TTC7A: variants seen among roughly 807,000 people sequenced by gnomAD.
TTC7A encodes tetratricopeptide repeat protein 7A.
Under a neutral mutation model 103.7 loss-of-function variants are expected in TTC7A, and 110 were observed. The ratio of observed to expected loss-of-function variants is 1.06; its 90% CI spans 0.91 to 1.24. TTC7A has a LOEUF of 1.24. Among genes scored for constraint, TTC7A ranks in the 50% most tolerant of loss-of-function variants. TTC7A has a pLI of 0.00. For synonymous variants in TTC7A, 521 were observed against 467.9 expected (o/e 1.11, Z -1.47); for missense variants, 1,340 against 1,116.3 (o/e 1.20, Z -2.86).
intron 8 of TTC7A, among the ~76,000 whole-genome samples, chr2:46,998,176 T>TG (rs1452928976): frequency 6.6e-6 from 1 of 152,094 alleles, no homozygotes; most frequent in East Asian, 1.9e-4. Context: ...GCACCTCTTG[T>TG]GGGGTTGGCT....
At chr2:47,038,953 T>A (rs1339063602) in intron 15 of TTC7A, among the ~76,000 whole-genome samples, 1 of 151,986 alleles carries the variant, frequency 6.6e-6, no homozygotes, top group Admixed American at 6.6e-5. Flanking sequence ...CTCCCCCAGA[T>A]GAAGGAAGGA....
chr2:46,954,733 G>A (rs1014090291), intron 2 of TTC7A, among the ~76,000 whole-genome samples: 2 of 151,818 alleles, frequency 1.3e-5, no homozygotes, highest in Non-Finnish European at 1.5e-5. Context: ...CACCACGCCC[G>A]GATAATTTTT....
intron 11 of TTC7A, among the ~76,000 whole-genome samples, chr2:47,015,181 C>G (rs1169030714): frequency 1.3e-5 from 2 of 152,260 alleles, no homozygotes; most frequent in Non-Finnish European, 2.9e-5. Flanking sequence ...AGCCTTCTGC[C>G]TTGGCATGCC....
intron 11 of TTC7A, among the ~76,000 whole-genome samples, chr2:47,020,324 T>C (rs1679147033): frequency 6.6e-6 from 1 of 152,184 alleles, no homozygotes; most frequent in African/African-American, 2.4e-5. Context: ...CCAGCAGCCC[T>C]CCTGAGTCCT....
Position 47,074,084 on chromosome 2 carries a change from A to T in TTC7A, c.*161A>T, listed in dbSNP as rs1309528015. The T allele has an allele frequency of 4.9e-6, 3 of 616,894 alleles. No individual in the cohort carries two copies. Among genetic ancestry groups the T allele is most frequent in the Non-Finnish European group, 8.5e-6 (3 of 352,400 alleles). 38.2% of individuals were successfully genotyped at this position (616,894 alleles called of 1,614,324 possible). A position where few individuals can be genotyped will look rare whatever the true frequency, so the allele number is the denominator to read the frequency against. On this transcript the variant is annotated 3_prime_UTR_variant, in exon 20 of 20. Coordinates refer to ENST00000319190, the MANE Select transcript of TTC7A (RefSeq NM_020458.4). ...CAGCCCTCGTTCTCTTGGCTGGGCC[A>T]AGAGGGCCTTCCTGGATTTCTTTGT...
Position 47,049,923 on chromosome 2 carries a change from G to A in TTC7A, c.1920-26G>A, listed in dbSNP as rs891361064. 2.5e-6 allele frequency: 4 copies of A among 1,594,114 alleles called. No individual in the cohort carries two copies. The African/African-American group carries it at 5.4e-5, about 21-fold the overall frequency. ...GTGATGCTAGCCCTCTACCTTACCG[G>A]ACCCTGGCCCTCTTTTGCCTTCCAG... is the stretch of plus-strand genomic sequence containing the variant. On this transcript the variant is annotated intron_variant, in intron 16 of 19. Coordinates refer to ENST00000319190, the MANE Select transcript of TTC7A (RefSeq NM_020458.4).
chr2:46,930,435 G>GGA (rs1669630701), intron 2 of TTC7A, among the ~76,000 whole-genome samples: 1 of 120,344 alleles, frequency 8.3e-6, no homozygotes, highest in African/African-American at 3.0e-5. Flanking sequence ...GTATTCCTAG[G>GGA]AAAAAAAAAA....
At chr2:47,018,721 A>G (rs1399620085) in intron 11 of TTC7A, among the ~76,000 whole-genome samples, 3 of 152,108 alleles carry the variant, frequency 2.0e-5, no homozygotes, top group Non-Finnish European at 4.4e-5. Flanking sequence ...TATTAATAAT[A>G]GTTATTTTTT....
chr2:47,024,268 A>T lies in TTC7A; in HGVS notation c.1569-19A>T. ...CTCAACCCCTGGTGCCTGACTTGTC[A>T]CTCCCTCTCCCCACACAGGGCTCAG... On this transcript the variant is annotated intron_variant, in intron 13 of 19. Transcript: ENST00000319190. 6.3e-7 allele frequency: 1 copy of T among 1,576,352 alleles called. No individual in the cohort carries two copies. Among genetic ancestry groups the T allele is most frequent in the South Asian group, 1.1e-5 (1 of 86,962 alleles).
At chr2:46,916,122 G>A (rs370060328), upstream of TTC7A, 115 of 985,428 alleles carry the variant, frequency 1.2e-4, 1 homozygote, top group African/African-American at 1.8e-3. Flanking sequence ...CGGATGGGGC[G>A]GACCCCAAAG....
At chr2:47,034,873 G>A (rs1317270506) in intron 15 of TTC7A, among the ~76,000 whole-genome samples, 3 of 152,184 alleles carry the variant, frequency 2.0e-5, no homozygotes, top group Non-Finnish European at 4.4e-5. Context: ...CCCCAGTACA[G>A]GAATAATATG....
At chr2:47,048,180 A>G (rs1682519269) in intron 16 of TTC7A, among the ~76,000 whole-genome samples, 1 of 152,166 alleles carries the variant, frequency 6.6e-6, no homozygotes, top group African/African-American at 2.4e-5. Context: ...CCCAGCCTCT[A>G]AAATGCTTCA....
intron 19 of TTC7A, among the ~76,000 whole-genome samples, chr2:47,061,286 A>G (rs1683761480): frequency 1.3e-5 from 2 of 152,104 alleles, no homozygotes; most frequent in Admixed American, 6.5e-5. Flanking sequence ...TCTAGCCCCA[A>G]AAGGCTCTCA....
At chr2:47,001,939 G>T (rs574884900) in intron 8 of TTC7A, among the ~76,000 whole-genome samples, 2 of 152,162 alleles carry the variant, frequency 1.3e-5, no homozygotes, top group South Asian at 4.2e-4. Flanking sequence ...CCCTGCCTTG[G>T]GTTTCTCATG....
At chr2:46,995,841 A>G (rs1034588511) in intron 8 of TTC7A, among the ~76,000 whole-genome samples, 6 of 152,244 alleles carry the variant, frequency 3.9e-5, no homozygotes, top group Non-Finnish European at 5.9e-5. Context: ...CGTGGAGCTT[A>G]CATTCTAGTA....
At chr2:46,923,002 A>C (rs979127970) in intron 2 of TTC7A, among the ~76,000 whole-genome samples, 2 of 152,216 alleles carry the variant, frequency 1.3e-5, no homozygotes, top group African/African-American at 2.4e-5. Flanking sequence ...GGCTATTTTA[A>C]AGTATACGAA....
chr2:46,968,633 A>G (rs977440852), intron 3 of TTC7A, among the ~76,000 whole-genome samples: 6 of 152,202 alleles, frequency 3.9e-5, no homozygotes, highest in African/African-American at 1.4e-4. Flanking sequence ...GGCCCTGTGT[A>G]TATTGGAAAT....
In TTC7A at chr2:47,021,845, G is replaced by A; in HGVS notation, c.1393-17G>A. On this transcript the variant is annotated splice_polypyrimidine_tract_variant and intron_variant, in intron 11 of 19. Transcript: ENST00000319190. The stretch of plus-strand genomic sequence containing the variant: ...CTCCAACCCCACCTCCATGACCTCT[G>A]TCTCTCCTCTTTGCAGCTAGAGGAA... The A allele has an allele frequency of 1.2e-6, 2 of 1,607,586 alleles. No individual in the cohort carries two copies. Among genetic ancestry groups the A allele is most frequent in the Non-Finnish European group, 1.7e-6 (2 of 1,174,016 alleles).
intron 17 of TTC7A, 197 bp downstream of exon 17, chr2:47,050,243 G>A (rs973633670): frequency 2.2e-5 from 13 of 586,162 alleles, no homozygotes; most frequent in Non-Finnish European, 3.4e-5. Context: ...ACAGTGGGCA[G>A]TGGGCAGGGG....
Sources: allele counts gnomAD v4.1 joint callset (sites outside exome capture counted in the v4.1 genomes callset), GRCh38; gene constraint gnomAD v4.1.1; transcripts MANE v1.5; gene names NCBI Gene and HGNC (gene_info 2026-07-23, HGNC 2026-07-21).